The following LIN28B variants were observed in gnomAD, a reference collection of about 807,000 sequenced individuals.
LIN28B encodes the protein protein lin-28 homolog B.
A neutral mutation model predicts 21.9 loss-of-function variants in LIN28B; 5 were observed. That is an observed-to-expected ratio of 0.23 (90% CI 0.12 to 0.48). The LOEUF is 0.48. Ranked by LOEUF, LIN28B falls within the 20% of genes least tolerant of loss-of-function variation. LIN28B has a pLI of 0.98. For synonymous variants in LIN28B, 109 were observed against 111.3 expected (o/e 0.98, Z 0.13); for missense variants, 245 against 310.5 (o/e 0.79, Z 1.58).
intron 2 of LIN28B, among the ~76,000 whole-genome samples, chr6:104,973,948 G>A (rs1770029494): frequency 1.3e-5 from 2 of 152,096 alleles, no homozygotes; most frequent in African/African-American, 4.8e-5. Context: ...CACACTTATT[G>A]ATATTACCTG....
chr6:104,979,820 A>G lies in LIN28B; in HGVS notation c.198+21534A>G, dbSNP rs184451636. On this transcript the variant is annotated intron_variant, in intron 2 of 3. Transcript: ENST00000345080. Reference sequence around the variant, plus strand: ...TGAATTATATTTGTAGATGAAGTATACATCTTTAAAAATGAGTAAACCTGA... The same window carrying G: ...TGAATTATATTTGTAGATGAAGTATGCATCTTTAAAAATGAGTAAACCTGA... Among the ~76,000 whole-genome samples the G allele has an allele frequency of 5.3e-4, 81 of 152,346 alleles. 2 individuals carry two copies. In the East Asian group the frequency reaches 0.015, roughly 28 times the overall value.
At chr6:105,046,997 G>A (rs1265725553) in intron 3 of LIN28B, among the ~76,000 whole-genome samples, 17 of 152,000 alleles carry the variant, frequency 1.1e-4, no homozygotes, top group African/African-American at 3.6e-4. Flanking sequence ...AGTTTCTTTT[G>A]CTGTGCAGAA....
chr6:104,998,140 A>G (rs1383575037), intron 2 of LIN28B, among the ~76,000 whole-genome samples: 1 of 152,218 alleles, frequency 6.6e-6, no homozygotes, highest in East Asian at 1.9e-4. Flanking sequence ...TATTAAAATA[A>G]ACATACCTAA....
At position 105,007,175 on chromosome 6, in the gene LIN28B, T is replaced by C. The variant is rs190479762; in HGVS notation, c.199-19123T>C. Among the ~76,000 whole-genome samples, 38 of 152,348 alleles carry C rather than the reference T, an allele frequency of 2.5e-4. No individual in the cohort carries two copies. The East Asian group carries it at 6.6e-3, about 26-fold the overall frequency. On this transcript the variant is annotated intron_variant, in intron 2 of 3. Transcript: ENST00000345080. The stretch of plus-strand genomic sequence containing the variant: ...ATTACTATGTTAAGTAAATATACTG[T>C]TAATGAAAACATTTGGGAGCTATTT...
chr6:105,049,407 G>A (rs1186628755), intron 3 of LIN28B, among the ~76,000 whole-genome samples: 1 of 152,204 alleles, frequency 6.6e-6, no homozygotes, highest in African/African-American at 2.4e-5. Context: ...TTGCTGAGGA[G>A]TGCTTTACTT....
At chr6:104,960,914 G>A (rs143868678) in intron 2 of LIN28B, among the ~76,000 whole-genome samples, 99 of 152,154 alleles carry the variant, frequency 6.5e-4, no homozygotes, top group African/African-American at 2.4e-3. Context: ...CTTTCTTGTA[G>A]TTCCTGTGAT....
chr6:105,019,326 T>G (rs1771090182), intron 2 of LIN28B, among the ~76,000 whole-genome samples: 1 of 152,188 alleles, frequency 6.6e-6, no homozygotes. Context: ...AGGAATGATT[T>G]AAGGTCCAGT....
At chr6:104,980,735 TA>T (rs1433621303) in intron 2 of LIN28B, among the ~76,000 whole-genome samples, 2 of 152,200 alleles carry the variant, frequency 1.3e-5, no homozygotes, top group Non-Finnish European at 2.9e-5. Flanking sequence ...GTCACTCATG[TA>T]TCTTCTCTAT....
At chr6:105,019,344 G>C (rs528048664) in intron 2 of LIN28B, among the ~76,000 whole-genome samples, 7 of 152,346 alleles carry the variant, frequency 4.6e-5, no homozygotes, top group African/African-American at 1.7e-4. Flanking sequence ...AGTGGGTAGA[G>C]AGCCAGTTTT....
chr6:105,044,536 C>G (rs1336316188), intron 3 of LIN28B, among the ~76,000 whole-genome samples: 1 of 152,060 alleles, frequency 6.6e-6, no homozygotes, highest in East Asian at 1.9e-4. Context: ...CTCAGTTTTA[C>G]AGTTTGTAAA....
intron 3 of LIN28B, among the ~76,000 whole-genome samples, chr6:105,067,963 G>A (rs1295952737): frequency 6.6e-6 from 1 of 151,886 alleles, no homozygotes; most frequent in Non-Finnish European, 1.5e-5. Context: ...TCAGTGATCT[G>A]CACCACCATT....
chr6:105,071,522 T>C (rs1772332840), intron 3 of LIN28B, among the ~76,000 whole-genome samples: 1 of 152,206 alleles, frequency 6.6e-6, no homozygotes, highest in African/African-American at 2.4e-5. Flanking sequence ...ACAATGCTGT[T>C]GTTAATATCT....
At chr6:105,018,524 G>A (rs1203496649) in intron 2 of LIN28B, among the ~76,000 whole-genome samples, 1 of 152,108 alleles carries the variant, frequency 6.6e-6, no homozygotes, top group Non-Finnish European at 1.5e-5. Flanking sequence ...CACCTCACGT[G>A]TAAAGCTTCT....
At chr6:104,982,989 G>A (rs1460300872) in intron 2 of LIN28B, among the ~76,000 whole-genome samples, 1 of 151,730 alleles carries the variant, frequency 6.6e-6, no homozygotes, top group Admixed American at 6.6e-5. Flanking sequence ...TTTTTTTTTG[G>A]TAGAGACAGG....
At chr6:104,985,693 G>A (rs1770324598) in intron 2 of LIN28B, among the ~76,000 whole-genome samples, 1 of 151,902 alleles carries the variant, frequency 6.6e-6, no homozygotes, top group African/African-American at 2.4e-5. Flanking sequence ...GTGTTCTTAT[G>A]TCGTGTTTAA....
intron 3 of LIN28B, among the ~76,000 whole-genome samples, chr6:105,073,224 A>G (rs1170162879): frequency 2.6e-5 from 4 of 152,210 alleles, no homozygotes; most frequent in Non-Finnish European, 5.9e-5. Context: ...AAAAAATAAT[A>G]GAGCTGAGGA....
intron 2 of LIN28B, among the ~76,000 whole-genome samples, chr6:105,025,796 GTTCT>G (rs780083714): frequency 7.9e-5 from 12 of 151,594 alleles, no homozygotes; most frequent in African/African-American, 2.4e-4. Flanking sequence ...GGTAGACACA[GTTCT>G]TTAACTCTTT....
intron 2 of LIN28B, among the ~76,000 whole-genome samples, chr6:105,001,345 C>T (rs77716583): frequency 7.2e-4 from 109 of 152,268 alleles, no homozygotes; most frequent in African/African-American, 2.6e-3. Flanking sequence ...AGATGACTGT[C>T]AGTGATGTTT....
rs185702027 is a variant in LIN28B, at chr6:105,060,656, G to A, written c.384-17758G>A. ...ATGGGTTTAGGAGAGTTGACTTCCA[G>A]TAAGCATGATGTTTTAAAGCCCAAA... On this transcript the variant is annotated intron_variant, in intron 3 of 3. Coordinates refer to ENST00000345080, the MANE Select transcript of LIN28B (RefSeq NM_001004317.4). Among the ~76,000 whole-genome samples, 3 of 152,274 alleles carry A rather than the reference G, an allele frequency of 2.0e-5. No homozygotes were observed. In the East Asian group the frequency reaches 5.8e-4, roughly 29 times the overall value.
Sources: allele counts gnomAD v4.1 joint callset (sites outside exome capture counted in the v4.1 genomes callset), GRCh38; gene constraint gnomAD v4.1.1; transcripts MANE v1.5; gene names NCBI Gene and HGNC (gene_info 2026-07-23, HGNC 2026-07-21).